Variants in DLG2 observed in about 807,000 individuals in gnomAD.
The protein encoded by DLG2 is disks large homolog 2.
In DLG2, 45 loss-of-function variants were observed where a neutral mutation model predicts 132.5. That is an observed-to-expected ratio of 0.34 (90% CI 0.27 to 0.44). The LOEUF (loss-of-function observed/expected upper bound fraction) is 0.44, where lower values mean the gene tolerates loss of function less well. Ranked by LOEUF, DLG2 falls within the 20% of genes least tolerant of loss-of-function variation. DLG2 has a pLI of 1.00. For synonymous variants in DLG2, 424 were observed against 419.6 expected (o/e 1.01, Z -0.13); for missense variants, 1,045 against 1,196.9 (o/e 0.87, Z 1.87).
At chr11:84,816,386 A>T (rs763951912) in intron 6 of DLG2, among the ~76,000 whole-genome samples, 7 of 151,992 alleles carry the variant, frequency 4.6e-5, no homozygotes, top group Non-Finnish European at 5.9e-5. Context: ...AATAGAGCCA[A>T]GAATCTTGGT....
At chr11:85,531,163 A>G (rs1272281217) in intron 3 of DLG2, among the ~76,000 whole-genome samples, 1 of 152,250 alleles carries the variant, frequency 6.6e-6, no homozygotes, top group Non-Finnish European at 1.5e-5. Context: ...AAATGCCAAG[A>G]GTATGAAATC....
At chr11:85,174,400 ATCAAGAAGT>A (rs1313993545) in intron 4 of DLG2, among the ~76,000 whole-genome samples, 1 of 152,204 alleles carries the variant, frequency 6.6e-6, no homozygotes, top group Non-Finnish European at 1.5e-5. Context: ...TAAGGTAGAA[ATCAAGAAGT>A]TCTTTGAAAC....
chr11:84,224,730 C>T (rs1597830528), intron 8 of DLG2, among the ~76,000 whole-genome samples: 1 of 152,170 alleles, frequency 6.6e-6, no homozygotes, highest in African/African-American at 2.4e-5. Flanking sequence ...AACTATTATA[C>T]CATGCGCTCT....
intron 7 of DLG2, among the ~76,000 whole-genome samples, chr11:84,312,258 C>A (rs2098295102): frequency 6.6e-6 from 1 of 152,088 alleles, no homozygotes; most frequent in African/African-American, 2.4e-5. Flanking sequence ...GATCACAGGT[C>A]AGGAGTTTGA....
intron 7 of DLG2, among the ~76,000 whole-genome samples, chr11:84,452,330 A>G (rs1291890710): frequency 6.6e-6 from 1 of 151,728 alleles, no homozygotes; most frequent in Non-Finnish European, 1.5e-5. Context: ...TGGAAAGCAG[A>G]TCTTGTAAGC....
chr11:84,930,779 T>A (rs1237911054), intron 6 of DLG2, among the ~76,000 whole-genome samples: 9 of 152,162 alleles, frequency 5.9e-5, no homozygotes. Flanking sequence ...TTTATATTCA[T>A]GTGCAAGACT....
chr11:85,072,889 T>G (rs371906985), intron 6 of DLG2, among the ~76,000 whole-genome samples: 10 of 151,858 alleles, frequency 6.6e-5, no homozygotes, highest in African/African-American at 2.4e-4. Context: ...TCAACAGATA[T>G]TTTGGATGAT....
At chr11:84,472,656 G>GTT (rs2099111422) in intron 7 of DLG2, among the ~76,000 whole-genome samples, 1 of 151,796 alleles carries the variant, frequency 6.6e-6, no homozygotes, top group African/African-American at 2.4e-5. Context: ...TCATACTTAA[G>GTT]CCCATCTCAA....
chr11:83,967,099 T>C (rs527297737), intron 12 of DLG2, among the ~76,000 whole-genome samples: 4 of 152,238 alleles, frequency 2.6e-5, no homozygotes, highest in African/African-American at 4.8e-5. Flanking sequence ...TATTTCATTG[T>C]GCATATATAC....
intron 7 of DLG2, among the ~76,000 whole-genome samples, chr11:84,382,588 G>A (rs1601093370): frequency 6.6e-6 from 1 of 152,276 alleles, no homozygotes; most frequent in East Asian, 1.9e-4. Context: ...ATGCCAGGCT[G>A]TAGATGAGAG....
Position 84,563,210 on chromosome 11 carries a change from G to A in DLG2, c.358-28479C>T, listed in dbSNP as rs116382029. ...AAGGAAGAATCCAGTTGGCACCTGC[G>A]GACTTTTCAACCACGTCTGATATTG... On this transcript the variant is annotated intron_variant, in intron 6 of 27. Transcript: ENST00000376104. Among the ~76,000 whole-genome samples, 657 of 152,192 alleles carry A rather than the reference G, an allele frequency of 4.3e-3. 4 individuals carry two copies. Among genetic ancestry groups the A allele is most frequent in the African/African-American group, 0.015 (610 of 41,540 alleles).
chr11:84,664,644 TG>T (rs2099698060), intron 6 of DLG2, among the ~76,000 whole-genome samples: 1 of 152,070 alleles, frequency 6.6e-6, no homozygotes, highest in Non-Finnish European at 1.5e-5. Flanking sequence ...GCAGGACAGA[TG>T]GGAAGTAGGG....
At chr11:85,588,753 A>T (rs2079122081) in intron 3 of DLG2, among the ~76,000 whole-genome samples, 1 of 151,808 alleles carries the variant, frequency 6.6e-6, no homozygotes, top group Admixed American at 6.6e-5. Context: ...GTGTTGTAAA[A>T]CCTCATCTTG....
intron 3 of DLG2, among the ~76,000 whole-genome samples, chr11:85,532,289 A>G (rs1369243157): frequency 6.6e-6 from 1 of 152,212 alleles, no homozygotes; most frequent in East Asian, 1.9e-4. Context: ...AGTAATGAAC[A>G]AGGACAGCAG....
At chr11:85,530,919 A>G (rs1598312536) in intron 3 of DLG2, among the ~76,000 whole-genome samples, 1 of 152,332 alleles carries the variant, frequency 6.6e-6, no homozygotes, top group Admixed American at 6.5e-5. Context: ...TTAGTTGTAT[A>G]ATAATTTCCT....
In DLG2 at chr11:83,666,175, A is replaced by AT. The variant is rs1352562159; in HGVS notation, c.1826-32851dup. Among the ~76,000 whole-genome samples, 8 of 152,328 alleles carry AT rather than the reference A, an allele frequency of 5.3e-5. No homozygotes were observed. The East Asian group carries it at 1.5e-3, about 29-fold the overall frequency. ...TCTGCCCTTTGCAGTTATAAAATAA[A>AT]TTTATAATCTCTTATCTCTTTAAAG... is the stretch of plus-strand genomic sequence containing the variant. On this transcript the variant is annotated intron_variant, in intron 18 of 27. Coordinates refer to ENST00000376104, the MANE Select transcript of DLG2 (RefSeq NM_001142699.3).
chr11:85,413,305 C>T (rs1473310614), intron 3 of DLG2, among the ~76,000 whole-genome samples: 1 of 151,998 alleles, frequency 6.6e-6, no homozygotes, highest in Non-Finnish European at 1.5e-5. Context: ...AGATATTAAT[C>T]CTTTGTCTGA....
At chr11:84,091,056 T>C (rs2097084330) in intron 10 of DLG2, among the ~76,000 whole-genome samples, 1 of 152,212 alleles carries the variant, frequency 6.6e-6, no homozygotes, top group African/African-American at 2.4e-5. Flanking sequence ...AAAATGTTAC[T>C]AGTGATTAGC....
chr11:85,461,316 G>C (rs978741961), intron 3 of DLG2, among the ~76,000 whole-genome samples: 3 of 152,176 alleles, frequency 2.0e-5, no homozygotes, highest in African/African-American at 7.2e-5. Flanking sequence ...GTTAATAGAA[G>C]AGAGAAAAGA....
Sources: allele counts gnomAD v4.1 joint callset (sites outside exome capture counted in the v4.1 genomes callset), GRCh38; gene constraint gnomAD v4.1.1; transcripts MANE v1.5; gene names NCBI Gene and HGNC (gene_info 2026-07-23, HGNC 2026-07-21).